CACNA1C: variants seen among roughly 807,000 people sequenced by gnomAD.
CACNA1C encodes calcium voltage-gated channel subunit alpha1 C, also known as voltage-dependent L-type calcium channel subunit alpha-1C.
Under a neutral mutation model 229.0 loss-of-function variants are expected in CACNA1C, and 30 were observed. The ratio of observed to expected loss-of-function variants is 0.13; its 90% CI spans 0.10 to 0.18. The LOEUF (loss-of-function observed/expected upper bound fraction) is 0.18. Ranked by LOEUF, CACNA1C falls within the 10% of genes least tolerant of loss-of-function variation. CACNA1C has a pLI of 1.00. For missense variants in CACNA1C, 1,658 were observed against 2,845.0 expected, an observed-to-expected ratio of 0.58 and a Z score of 9.49; for synonymous variants, 1,114 against 1,132.5, an observed-to-expected ratio of 0.98 and a Z score of 0.33.
At chr12:2,185,338 G>A (rs1196691355) in intron 3 of CACNA1C, among the ~76,000 whole-genome samples, 3 of 152,094 alleles carry the variant, frequency 2.0e-5, no homozygotes, top group Non-Finnish European at 1.5e-5. Context: ...ATCCCACCAC[G>A]CCCTCAGGGC....
intron 3 of CACNA1C, among the ~76,000 whole-genome samples, chr12:2,316,651 A>G (rs547671749): frequency 3.1e-4 from 47 of 152,316 alleles, no homozygotes; most frequent in African/African-American, 1.1e-3. Flanking sequence ...GGAGACCCCA[A>G]TGGCCAAAAA....
rs1184619788 is a variant in CACNA1C at position 2,124,112 on chromosome 12, G to A, written c.477+3682G>A. 2.5e-3 allele frequency among the ~76,000 whole-genome samples: 12 copies of A among 4,770 alleles called. No individual in the cohort carries two copies. In the African/African-American group the frequency reaches 0.031, roughly 12 times the overall value. The allele number at this position is 4,770 out of a possible 152,430, so 3.1% of individuals were successfully genotyped here. On this transcript the variant is annotated intron_variant, in intron 3 of 46. Transcript: ENST00000399655. ...CTCTCCTTCCACTGGTCTAGCTCGT[G>A]TGTGTGTGTGTGTGTGTGTGTGTGT...
intron 1 of CACNA1C, among the ~76,000 whole-genome samples, chr12:2,114,534 A>G (rs1160002200): frequency 2.0e-5 from 3 of 152,238 alleles, no homozygotes; most frequent in Non-Finnish European, 4.4e-5. Context: ...TGTTGACATG[A>G]TTTAAAACCA....
rs113524472 is a variant in CACNA1C at position 2,191,426 on chromosome 12, C to A, written c.477+70996C>A. On this transcript the variant is annotated intron_variant, in intron 3 of 46. Transcript: ENST00000399655. ...CCTCTGCAGTCACGCTGGCTCCAGGCTCACCGGGAGTCACGTTCTCTGGCT... is the reference window on the plus strand; with the variant it reads ...CCTCTGCAGTCACGCTGGCTCCAGGATCACCGGGAGTCACGTTCTCTGGCT... 4.4e-3 allele frequency among the ~76,000 whole-genome samples: 663 copies of A among 152,240 alleles called. 11 individuals are homozygous for A. Among genetic ancestry groups the A allele is most frequent in the South Asian group, 0.032 (156 of 4,816 alleles).
chr12:2,669,108 C>A, intron 38 of CACNA1C, 73 bp downstream of exon 38: 1 of 1,041,888 alleles, frequency 9.6e-7, no homozygotes, highest in African/African-American at 1.6e-5. Flanking sequence ...GCTCGGCAGC[C>A]TGCAAAGTGC....
intron 5 of CACNA1C, among the ~76,000 whole-genome samples, chr12:2,484,821 T>C (rs2099691416): frequency 6.6e-6 from 1 of 151,872 alleles, no homozygotes; most frequent in Non-Finnish European, 1.5e-5. Context: ...ATGGAATCAT[T>C]TCAATCTGAA....
chr12:2,351,686 G>A (rs73605792), intron 3 of CACNA1C, among the ~76,000 whole-genome samples: 1,692 of 152,276 alleles, frequency 0.011, 25 homozygotes, highest in African/African-American at 0.038. Context: ...CATTTGGTTG[G>A]TGTCTGCCAT....
chr12:2,324,050 C>T lies in CACNA1C; in HGVS notation c.478-124926C>T, dbSNP rs115985280. On this transcript the variant is annotated intron_variant, in intron 3 of 46. Transcript: ENST00000399655. The stretch of plus-strand genomic sequence containing the variant: ...GCTCATGTAGTCAGTCTGGACATTT[C>T]CATTTGAGAACAAGCCAGTTGGCTC... 5.2e-3 allele frequency among the ~76,000 whole-genome samples: 795 copies of T among 152,294 alleles called. 14 individuals carry two copies. The highest frequency in any genetic ancestry group is 0.018 in the African/African-American group (765 of 41,552).
At chr12:2,218,607 CTG>C (rs1302168357) in intron 3 of CACNA1C, among the ~76,000 whole-genome samples, 2 of 152,166 alleles carry the variant, frequency 1.3e-5, no homozygotes, top group African/African-American at 4.8e-5. Context: ...GAAGGTCTCT[CTG>C]TGGCAATGCT....
intron 1 of CACNA1C, among the ~76,000 whole-genome samples, chr12:2,043,915 A>G (rs566362397): frequency 6.6e-6 from 1 of 151,604 alleles, no homozygotes; most frequent in Non-Finnish European, 1.5e-5. Context: ...TCGGCCTCCC[A>G]AAGTGCTGGG....
chr12:2,425,894 GA>G (rs1243365615), intron 3 of CACNA1C, among the ~76,000 whole-genome samples: 2 of 152,230 alleles, frequency 1.3e-5, no homozygotes, highest in Admixed American at 6.5e-5. Flanking sequence ...AGAGACTTGG[GA>G]AGTCAAGTAA....
chr12:2,344,375 G>C (rs747767940), intron 3 of CACNA1C, among the ~76,000 whole-genome samples: 5 of 152,198 alleles, frequency 3.3e-5, no homozygotes, highest in East Asian at 1.9e-4. Context: ...CAGTATCTTT[G>C]TGAAGGTAGC....
intron 3 of CACNA1C, among the ~76,000 whole-genome samples, chr12:2,206,443 C>A (rs2154331222): frequency 6.6e-6 from 1 of 152,324 alleles, no homozygotes; most frequent in South Asian, 2.1e-4. Flanking sequence ...GCATTTGATT[C>A]TAGATTTCAC....
rs537127308 is a variant in CACNA1C, at chr12:2,094,752, G to C, written c.50-20472G>C. Among the ~76,000 whole-genome samples the C allele has an allele frequency of 8.5e-5, 13 of 152,292 alleles. No individual in the cohort carries two copies. The South Asian group carries it at 2.7e-3, about 32-fold the overall frequency. On this transcript the variant is annotated intron_variant, in intron 1 of 46. Coordinates refer to ENST00000399655, the MANE Select transcript of CACNA1C (RefSeq NM_000719.7). ...GGAGAGCCGACCAGGAAGTGGGAGT[G>C]GCTGGGACTGTCTGTGCTTCAGGGG...
chr12:2,266,209 T>C (rs148740485), intron 3 of CACNA1C, among the ~76,000 whole-genome samples: 1,543 of 152,250 alleles, frequency 0.01, 20 homozygotes, highest in African/African-American at 0.036. Context: ...TTTCCCTTCC[T>C]CCACCTCCAG....
chr12:2,256,973 T>G (rs956233591), intron 3 of CACNA1C, among the ~76,000 whole-genome samples: 1 of 152,182 alleles, frequency 6.6e-6, no homozygotes, highest in Admixed American at 6.5e-5. Flanking sequence ...TATGTTACAG[T>G]TGCACTCAAA....
chr12:2,342,779 C>T (rs919543404), intron 3 of CACNA1C, among the ~76,000 whole-genome samples: 2 of 152,200 alleles, frequency 1.3e-5, no homozygotes, highest in Non-Finnish European at 2.9e-5. Flanking sequence ...CAGTTCTTTG[C>T]CCTTAACGTT....
intron 3 of CACNA1C, among the ~76,000 whole-genome samples, chr12:2,144,981 C>T (rs778979383): frequency 6.6e-6 from 1 of 151,218 alleles, no homozygotes; most frequent in African/African-American, 2.4e-5. Context: ...AGCAAACTTT[C>T]AACCCTCTGC....
intron 2 of CACNA1C, among the ~76,000 whole-genome samples, chr12:2,116,300 A>T (rs1264207869): frequency 1.3e-5 from 2 of 151,858 alleles, no homozygotes; most frequent in African/African-American, 4.8e-5. Flanking sequence ...CTTTGAAGGG[A>T]TGGGCGCTCG....
Sources: allele counts gnomAD v4.1 joint callset (sites outside exome capture counted in the v4.1 genomes callset), GRCh38; gene constraint gnomAD v4.1.1; transcripts MANE v1.5; gene names NCBI Gene and HGNC (gene_info 2026-07-23, HGNC 2026-07-21).